Variants in RIMS1 observed in about 807,000 individuals in gnomAD.
RIMS1 encodes the protein regulating synaptic membrane exocytosis 1.
Under a neutral mutation model 214.1 loss-of-function variants are expected in RIMS1, and 83 were observed. That is an observed-to-expected ratio of 0.39 (90% CI 0.32 to 0.47). RIMS1 has a LOEUF of 0.47. Among genes scored for constraint, RIMS1 ranks in the 20% least tolerant of loss-of-function variants. The pLI is 0.99. For synonymous variants in RIMS1, 793 were observed against 786.8 expected, an observed-to-expected ratio of 1.01 and a Z score of -0.13; for missense variants, 2,050 against 2,161.8, an observed-to-expected ratio of 0.95 and a Z score of 1.03.
At chr6:72,101,312 C>T (rs1289677653) in intron 4 of RIMS1, among the ~76,000 whole-genome samples, 3 of 151,858 alleles carry the variant, frequency 2.0e-5, no homozygotes, top group Non-Finnish European at 4.4e-5. Flanking sequence ...AATATAATCA[C>T]TTTCAATTAT....
At chr6:72,083,996 G>T (rs999123218) in intron 2 of RIMS1, among the ~76,000 whole-genome samples, 1 of 152,114 alleles carries the variant, frequency 6.6e-6, no homozygotes, top group Admixed American at 6.5e-5. Context: ...ACATAACAAA[G>T]CAATTTGGTG....
chr6:72,158,148 C>T (rs556381332), intron 4 of RIMS1, among the ~76,000 whole-genome samples: 13 of 140,728 alleles, frequency 9.2e-5, no homozygotes, highest in African/African-American at 2.7e-4. Context: ...GCTTCATTTT[C>T]CTTCAGCTAA....
intron 31 of RIMS1, among the ~76,000 whole-genome samples, chr6:72,397,905 A>G (rs1055356371): frequency 8.5e-5 from 13 of 152,326 alleles, no homozygotes; most frequent in Non-Finnish European, 1.6e-4. Flanking sequence ...TAATGAAAAT[A>G]CATATGGTTA....
At chr6:72,363,200 G>T (rs905019207) in intron 29 of RIMS1, among the ~76,000 whole-genome samples, 4 of 152,050 alleles carry the variant, frequency 2.6e-5, no homozygotes, top group African/African-American at 9.7e-5. Flanking sequence ...CATACAAAAG[G>T]AATATTATAG....
At chr6:71,940,894 C>G (rs1785883918) in intron 1 of RIMS1, among the ~76,000 whole-genome samples, 1 of 151,994 alleles carries the variant, frequency 6.6e-6, no homozygotes, top group South Asian at 2.1e-4. Context: ...GCAAGAGGCT[C>G]AGAAGATTTA....
intron 28 of RIMS1, among the ~76,000 whole-genome samples, chr6:72,332,923 A>T (rs75118624): frequency 0.014 from 2,120 of 151,944 alleles, 52 homozygotes; most frequent in African/African-American, 0.047. Flanking sequence ...AATAAAAAGA[A>T]ATCAGCCTAC....
intron 1 of RIMS1, among the ~76,000 whole-genome samples, chr6:71,908,703 A>G (rs530866614): frequency 6.6e-6 from 1 of 152,092 alleles, no homozygotes; most frequent in Admixed American, 6.6e-5. Flanking sequence ...TAAATTTTGA[A>G]CACCCCCTGT....
intron 4 of RIMS1, among the ~76,000 whole-genome samples, chr6:72,150,449 G>T (rs180706818): frequency 6.6e-6 from 1 of 152,274 alleles, no homozygotes; most frequent in East Asian, 1.9e-4. Context: ...GGATTTGTCT[G>T]CCTCCTGCCA....
chr6:72,147,440 G>T (rs1425942811), intron 4 of RIMS1, among the ~76,000 whole-genome samples: 1 of 152,128 alleles, frequency 6.6e-6, no homozygotes, highest in Non-Finnish European at 1.5e-5. Context: ...AGGCATATCT[G>T]AAAGACAGAA....
chr6:72,059,153 T>C (rs1416075043), intron 2 of RIMS1, among the ~76,000 whole-genome samples: 1 of 152,220 alleles, frequency 6.6e-6, no homozygotes, highest in Non-Finnish European at 1.5e-5. Flanking sequence ...GACATGGTTC[T>C]ATCAGATTTT....
chr6:71,956,525 T>A (rs1282585649), intron 1 of RIMS1, among the ~76,000 whole-genome samples: 1 of 152,182 alleles, frequency 6.6e-6, no homozygotes, highest in East Asian at 1.9e-4. Flanking sequence ...TTTCTTGGTG[T>A]TAGATTTTGA....
chr6:72,138,178 A>G (rs2041616789), intron 4 of RIMS1, among the ~76,000 whole-genome samples: 1 of 152,162 alleles, frequency 6.6e-6, no homozygotes, highest in African/African-American at 2.4e-5. Flanking sequence ...TTTTTATCTA[A>G]AAAAGCAAGT....
At chr6:72,353,286 A>T (rs1654213681) in intron 29 of RIMS1, among the ~76,000 whole-genome samples, 2 of 152,110 alleles carry the variant, frequency 1.3e-5, no homozygotes, top group African/African-American at 4.8e-5. Context: ...CGTCCGGCTG[A>T]GTTTAAATTC....
intron 16 of RIMS1, among the ~76,000 whole-genome samples, chr6:72,256,748 G>T (rs952130323): frequency 1.3e-4 from 19 of 150,838 alleles, no homozygotes; most frequent in African/African-American, 4.1e-4. Flanking sequence ...AACTTAGTTG[G>T]TCTCTTTCTA....
intron 6 of RIMS1, among the ~76,000 whole-genome samples, chr6:72,197,869 G>C (rs1237293986): frequency 6.6e-6 from 1 of 151,908 alleles, no homozygotes; most frequent in Non-Finnish European, 1.5e-5. Flanking sequence ...AACATAAGAG[G>C]AACTCCAACA....
At chr6:71,999,489 A>G (rs909361062) in intron 2 of RIMS1, among the ~76,000 whole-genome samples, 19 of 152,116 alleles carry the variant, frequency 1.2e-4, no homozygotes, top group African/African-American at 4.3e-4. Flanking sequence ...CAAATTATGT[A>G]TTTGTGCTAT....
chr6:72,008,713 G>A (rs995807790), intron 2 of RIMS1, among the ~76,000 whole-genome samples: 9 of 152,086 alleles, frequency 5.9e-5, no homozygotes, highest in East Asian at 5.8e-4. Context: ...AACAAACATC[G>A]AAAGAGACAA....
rs1767908424 is a variant in RIMS1 at position 71,886,900 on chromosome 6, G to C, written c.-124G>C. ...TGCTGCTGCTGCCGCCGCCGCCGCT[G>C]CTCCTCCTCCTGCCGCCGCCGCTAG... On this transcript the variant is annotated 5_prime_UTR_variant, in exon 1 of 34. Coordinates refer to ENST00000521978, the MANE Select transcript of RIMS1 (RefSeq NM_014989.7). 9.0e-7 allele frequency: 1 copy of C among 1,110,708 alleles called. No homozygotes were observed. Among genetic ancestry groups the C allele is most frequent in the African/African-American group, 1.6e-5 (1 of 64,316 alleles). 68.8% of individuals were successfully genotyped at this position (1,110,708 alleles called of 1,614,324 possible). A position where few individuals can be genotyped will look rare whatever the true frequency, so the allele number is the denominator to read the frequency against.
rs767496116 is a variant in RIMS1 at position 71,887,036 on chromosome 6, G to T, written c.13G>T (p.Val5Leu). 30 of 1,613,006 alleles carry T rather than the reference G, an allele frequency of 1.9e-5. No individual in the cohort carries two copies. Among genetic ancestry groups the T allele is most frequent in the Non-Finnish European group, 2.4e-5 (28 of 1,179,580 alleles). Residue 5 changes from valine to leucine, a missense_variant, in exon 1 of 34, where the codon GTG becomes TTG. By Grantham distance (32) the Val-to-Leu change is conservative (BLOSUM62 1). Transcript: ENST00000521978. ...GCAGGCCACGAAAATGTCCTCGGCC[G>T]TGGGGCCCCGCGGTCCTCGCCCACC... Reference protein sequence around the residue: MSSAVGPRGPRPPTV... With the variant: MSSALGPRGPRPPTV...
Sources: allele counts gnomAD v4.1 joint callset (sites outside exome capture counted in the v4.1 genomes callset), GRCh38; gene constraint gnomAD v4.1.1; transcripts MANE v1.5; gene names NCBI Gene and HGNC (gene_info 2026-07-23, HGNC 2026-07-21).